The following RAB1B variants were observed in gnomAD, a reference collection of about 807,000 sequenced individuals.
RAB1B encodes RAB1B, member RAS oncogene family, also known as ras-related protein Rab-1B.
In RAB1B, 10 loss-of-function variants were observed where a neutral mutation model predicts 24.8. The ratio of observed to expected loss-of-function variants is 0.40; its 90% CI spans 0.25 to 0.68. RAB1B has a LOEUF of 0.68. Among genes scored for constraint, RAB1B ranks in the 30% least tolerant of loss-of-function variants. The pLI is 0.37. For synonymous variants in RAB1B, 99 were observed against 111.7 expected (o/e 0.89, Z 0.72); for missense variants, 154 against 271.2 (o/e 0.57, Z 3.04).
chr11:66,275,675 TCTGCATCG>T, intron 4 of RAB1B, 121 bp from the exon 5 acceptor site: 3 of 1,001,102 alleles, frequency 3.0e-6, no homozygotes, highest in Non-Finnish European at 4.3e-6. Context: ...CCTCTGCATC[TCTGCATCG>T]CTGAGCCCAG....
rs1590886678 is a variant in RAB1B, at chr11:66,275,448, C to T, written c.280-356C>T. 2.0e-5 allele frequency among the ~76,000 whole-genome samples: 3 copies of T among 152,210 alleles called. No individual in the cohort carries two copies. In the East Asian group the frequency reaches 5.8e-4, roughly 29 times the overall value. ...CTGTGGCTCTTGCGGACCCGTTACT[C>T]TCTGTTCCTATCTCCCGTCCGCTCT... On this transcript the variant is annotated intron_variant, in intron 4 of 5. Transcript: ENST00000311481.
chr11:66,275,673 T>A (rs1590886796), intron 4 of RAB1B, 131 bp from the exon 5 acceptor site: 30 of 985,954 alleles, frequency 3.0e-5, no homozygotes, highest in Non-Finnish European at 4.4e-5. Context: ...TTCCTCTGCA[T>A]CTCTGCATCG....
chr11:66,270,161 C>T (rs745316731), intron 1 of RAB1B: 1 of 152,182 alleles, frequency 6.6e-6, no homozygotes, highest in Admixed American at 6.5e-5. Flanking sequence ...AGGTGTCAGT[C>T]ACTGCACCCA....
intron 1 of RAB1B, 52 bp downstream of exon 1, chr11:66,268,745 G>T: frequency 6.6e-7 from 1 of 1,520,278 alleles, no homozygotes; most frequent in East Asian, 2.6e-5. Context: ...CCGAATACAG[G>T]GCTGTACGCT....
intron 4 of RAB1B, among the ~76,000 whole-genome samples, chr11:66,274,252 T>C (rs1466279757): frequency 1.3e-5 from 2 of 152,176 alleles, no homozygotes; most frequent in African/African-American, 2.4e-5. Flanking sequence ...CTTTCTGAAA[T>C]CTGTCCCCTC....
At chr11:66,268,781 G>C in intron 1 of RAB1B, 88 bp downstream of exon 1, 1 of 1,327,092 alleles carries the variant, frequency 7.5e-7, no homozygotes. Context: ...GCCCGGGTCA[G>C]GACTGTGCGG....
rs753078408 is a variant in RAB1B, at chr11:66,276,242, G to A, written c.*4G>A. Reference sequence around the variant, plus strand: ...GGCTGGCGGTGGCTGTTGCTAGGAGGGGCACATGGAGTGGGACAGGAGGGG... The same window carrying A: ...GGCTGGCGGTGGCTGTTGCTAGGAGAGGCACATGGAGTGGGACAGGAGGGG... On this transcript the variant is annotated 3_prime_UTR_variant, in exon 6 of 6. Coordinates refer to ENST00000311481, the MANE Select transcript of RAB1B (RefSeq NM_030981.3). 11 of 1,582,856 alleles carry A rather than the reference G, an allele frequency of 6.9e-6. No individual in the cohort carries two copies. The African/African-American group carries it at 1.2e-4, about 18-fold the overall frequency.
chr11:66,268,841 T>C (rs1856994800), intron 1 of RAB1B, 148 bp downstream of exon 1: 2 of 747,872 alleles, frequency 2.7e-6, no homozygotes, highest in African/African-American at 3.4e-5. Context: ...CACATCCGGG[T>C]TCTGCCCCTC....
rs760524172 is a variant in RAB1B, at chr11:66,272,472, C to A, written c.279+12C>A. On this transcript the variant is annotated intron_variant, in intron 4 of 5. Coordinates refer to ENST00000311481, the MANE Select transcript of RAB1B (RefSeq NM_030981.3). ...ACGTCACTGACCAGGTACTCCTGGA[C>A]TAGCCATCCTCAGCTTGGCCTCCTT... The A allele has an allele frequency of 6.4e-7, 1 of 1,550,870 alleles. No individual in the cohort carries two copies. Among genetic ancestry groups the A allele is most frequent in the Non-Finnish European group, 8.8e-7 (1 of 1,142,398 alleles).
chr11:66,275,164 C>T (rs1857121748), intron 4 of RAB1B, among the ~76,000 whole-genome samples: 1 of 152,220 alleles, frequency 6.6e-6, no homozygotes, highest in African/African-American at 2.4e-5. Context: ...GACCAGGCTT[C>T]TGGCTCCTAA....
In RAB1B at chr11:66,268,664, G is replaced by GGCC. The variant is rs763308625; in HGVS notation, c.-3_-1dup. On this transcript the variant is annotated 5_prime_UTR_variant, in exon 1 of 6. Transcript: ENST00000311481. The stretch of plus-strand genomic sequence containing the variant: ...AGAGTCGACTGGGAGCGACCGAGCG[G>GGCC]GCCGCCGCCGCCGCCATGAACCCCG... The GGCC allele has an allele frequency of 2.8e-4, 435 of 1,562,960 alleles. No individual in the cohort carries two copies. The highest frequency in any genetic ancestry group is 3.5e-4 in the Non-Finnish European group (403 of 1,156,336).
chr11:66,271,546 T>A, intron 1 of RAB1B: 1 of 294,106 alleles, frequency 3.4e-6, no homozygotes, highest in Non-Finnish European at 6.3e-6. Flanking sequence ...GGTGGACACC[T>A]GAAGTCCCAG....
intron 1 of RAB1B, chr11:66,271,512 AAATT>A (rs1232274408): frequency 1.4e-5 from 3 of 213,252 alleles, no homozygotes; most frequent in East Asian, 1.2e-4. Flanking sequence ...AAAAAAAAAA[AAATT>A]AGCTAGAAGT....
Position 66,275,763 on chromosome 11 carries a change from CAGTT to C in RAB1B, c.280-40_280-37del, listed in dbSNP as rs1323392403. ...TTCTCCAGGCCTGGGGTAGGGGTGACAGTTGGGAGCAAAATAACTTTGGCCCCTG... is the reference window on the plus strand; with the variant it reads ...TTCTCCAGGCCTGGGGTAGGGGTGACGGGAGCAAAATAACTTTGGCCCCTG... On this transcript the variant is annotated intron_variant, in intron 4 of 5. Transcript: ENST00000311481. 1.9e-6 allele frequency: 3 copies of C among 1,547,086 alleles called. No homozygotes were observed. The Admixed American group carries it at 5.9e-5, about 30-fold the overall frequency.
intron 4 of RAB1B, among the ~76,000 whole-genome samples, chr11:66,275,336 C>T (rs1857124172): frequency 6.6e-6 from 1 of 152,206 alleles, no homozygotes. Context: ...TGTCTCCCCA[C>T]AGGCCAGGGC....
In RAB1B at chr11:66,275,764, A is replaced by C. The variant is rs372955261; in HGVS notation, c.280-40A>C. The C allele has an allele frequency of 5.8e-5, 90 of 1,548,284 alleles. No individual in the cohort carries two copies. In the African/African-American group the frequency reaches 1.2e-3, roughly 20 times the overall value. On this transcript the variant is annotated intron_variant, in intron 4 of 5. Coordinates refer to ENST00000311481, the MANE Select transcript of RAB1B (RefSeq NM_030981.3). ...TCTCCAGGCCTGGGGTAGGGGTGAC[A>C]GTTGGGAGCAAAATAACTTTGGCCC... is the stretch of plus-strand genomic sequence containing the variant.
At chr11:66,274,624 A>G (rs927741229) in intron 4 of RAB1B, among the ~76,000 whole-genome samples, 2 of 152,036 alleles carry the variant, frequency 1.3e-5, no homozygotes. Context: ...CTTCTGGCCT[A>G]AGAAACGCCC....
In RAB1B at chr11:66,275,531, G is replaced by A. The variant is rs185096268; in HGVS notation, c.280-273G>A. Among the ~76,000 whole-genome samples, 21 of 152,300 alleles carry A rather than the reference G, an allele frequency of 1.4e-4. 1 individual carries two copies. Among genetic ancestry groups the A allele is most frequent in the Admixed American group, 1.3e-3 (20 of 15,304 alleles). ...AAGTGTCTCAGGGAGAGAGACAGCT[G>A]CAGGGAGCAGAGCTGGCAGGCCCAA... On this transcript the variant is annotated intron_variant, in intron 4 of 5. Transcript: ENST00000311481.
chr11:66,273,873 A>G (rs1489313091), intron 4 of RAB1B, among the ~76,000 whole-genome samples: 3 of 152,094 alleles, frequency 2.0e-5, no homozygotes, highest in African/African-American at 7.2e-5. Context: ...TTGGCTTTTG[A>G]GCACACCCTT....
Sources: gnomAD v4.1 joint callset for allele counts (sites outside exome capture counted in the v4.1 genomes callset) on GRCh38, gnomAD v4.1.1 for gene constraint, MANE v1.5 for transcripts, NCBI Gene and HGNC (gene_info 2026-07-23, HGNC 2026-07-21) for gene names.